BAG1: variants seen among roughly 807,000 people sequenced by gnomAD.
BAG1 encodes the protein BAG family molecular chaperone regulator 1.
Under a neutral mutation model 35.5 loss-of-function variants are expected in BAG1, and 35 were observed. The observed-to-expected ratio is 0.99, with a 90% CI of 0.75 to 1.31. The LOEUF (loss-of-function observed/expected upper bound fraction) is 1.31. Among genes scored for constraint, BAG1 ranks in the 50% most tolerant of loss-of-function variants. The pLI is 0.00. For missense variants in BAG1, 464 were observed against 453.6 expected (o/e 1.02, Z -0.21); for synonymous variants, 191 against 178.9 (o/e 1.07, Z -0.54).
In BAG1 at chr9:33,264,567, C is replaced by T; in HGVS notation, c.108G>A (p.Pro36=). Residue 36 remains proline (P), a synonymous_variant, in exon 1 of 7, where the codon CCG becomes CCA. Coordinates refer to ENST00000634734, the MANE Select transcript of BAG1 (RefSeq NM_004323.6). ...CAGAGGGAGGCGGACCACGCTGGGC[C>T]GGGGGCTCCGACTGGCGCGGCTCCC... 7.0e-7 allele frequency: 1 copy of T among 1,432,992 alleles called. No homozygotes were observed. Among genetic ancestry groups the T allele is most frequent in the Non-Finnish European group, 9.1e-7 (1 of 1,102,200 alleles). 88.8% of individuals were successfully genotyped at this position (1,432,992 alleles called of 1,614,324 possible). A position where few individuals can be genotyped will look rare whatever the true frequency, so the allele number is the denominator to read the frequency against.
rs1820666235 is a variant in BAG1, at chr9:33,264,508, T to C, written c.167A>G (p.His56Arg). ...GGCGGCGCCCCTGGTGGGTCGGTCA[T>C]GCCCGCTGGCAGTACTCCGGGCAGG... The change falls in exon 1 of 7, where the codon CAT (histidine) becomes CGT (arginine). Residue 56 changes from histidine to arginine, a missense_variant. Physicochemically the swap from His to Arg is conservative, Grantham distance 29. Transcript: ENST00000634734. 5 of 1,603,398 alleles carry C rather than the reference T, an allele frequency of 3.1e-6. No individual in the cohort carries two copies. The highest frequency in any genetic ancestry group is 1.1e-5 in the South Asian group (1 of 90,650).
chr9:33,262,474 T>C (rs1042924084), intron 2 of BAG1, among the ~76,000 whole-genome samples: 3 of 152,012 alleles, frequency 2.0e-5, no homozygotes, highest in East Asian at 1.9e-4. Flanking sequence ...CTGGCCAACA[T>C]GGTGAAACCC....
rs772591209 is a variant in BAG1 at position 33,255,066 on chromosome 9, T to C, written c.*153A>G. 5.7e-6 allele frequency: 9 copies of C among 1,568,822 alleles called. No individual in the cohort carries two copies. The South Asian group carries it at 9.2e-5, about 16-fold the overall frequency. ...GCTTTACTCAAAATCACAAAGACACTATTTTTCATTGAGAACCAGTGTGAG... is the reference window on the plus strand; with the variant it reads ...GCTTTACTCAAAATCACAAAGACACCATTTTTCATTGAGAACCAGTGTGAG... On this transcript the variant is annotated 3_prime_UTR_variant, in exon 7 of 7. Coordinates refer to ENST00000634734, the MANE Select transcript of BAG1 (RefSeq NM_004323.6).
intron 6 of BAG1, 22 bp downstream of exon 6, chr9:33,255,843 C>G: frequency 1.2e-6 from 2 of 1,601,536 alleles, no homozygotes; most frequent in Non-Finnish European, 1.7e-6. Flanking sequence ...TACACCTTGT[C>G]GTGCACTATT....
intron 2 of BAG1, among the ~76,000 whole-genome samples, chr9:33,261,633 T>C (rs1012551768): frequency 1.3e-5 from 2 of 152,222 alleles, no homozygotes; most frequent in African/African-American, 4.8e-5. Flanking sequence ...AAACATGAAT[T>C]TCTATTGTCT....
At position 33,256,786 on chromosome 9, in the gene BAG1, T is replaced by C. The variant is rs933787860; in HGVS notation, c.885+15A>G. On this transcript the variant is annotated intron_variant, in intron 5 of 6. Coordinates refer to ENST00000634734, the MANE Select transcript of BAG1 (RefSeq NM_004323.6). ...TCAAAGAAAACTAGTTCTTCTCAGC[T>C]GAATATTTACTTACCAGTGTGTCAA... 3.1e-6 allele frequency: 5 copies of C among 1,596,910 alleles called. No individual in the cohort carries two copies. The African/African-American group carries it at 6.7e-5, about 21-fold the overall frequency.
chr9:33,255,800 C>A, intron 6 of BAG1, 65 bp downstream of exon 6: 7 of 1,535,978 alleles, frequency 4.6e-6, no homozygotes, highest in Non-Finnish European at 6.3e-6. Context: ...TGATTTTGAA[C>A]AGATAAACAC....
intron 4 of BAG1, chr9:33,257,324 T>C (rs1343960526): frequency 1.8e-5 from 3 of 164,572 alleles, no homozygotes; most frequent in Non-Finnish European, 2.6e-5. Context: ...AAATGAAGAT[T>C]ATGATGCCCA....
At chr9:33,262,538 T>A (rs557461977) in intron 2 of BAG1, among the ~76,000 whole-genome samples, 164 bp downstream of exon 2, 1 of 152,114 alleles carries the variant, frequency 6.6e-6, no homozygotes, top group Non-Finnish European at 1.5e-5. Context: ...GCACCTGTAA[T>A]CCCAGCTACT....
chr9:33,258,830 T>A, intron 4 of BAG1, 90 bp downstream of exon 4: 7 of 1,027,724 alleles, frequency 6.8e-6, no homozygotes. Context: ...ACCCAGGGAG[T>A]CTGACTGCAG....
intron 3 of BAG1, 41 bp downstream of exon 3, chr9:33,261,046 T>C: frequency 2.0e-6 from 3 of 1,534,228 alleles, no homozygotes; most frequent in Non-Finnish European, 2.7e-6. Flanking sequence ...AAGACTTCAG[T>C]CATTTGATTC....
rs535372345 is a variant in BAG1, at chr9:33,254,165, A to T, written c.*1054T>A. 2.9e-4 allele frequency: 29 copies of T among 98,530 alleles called. No homozygotes were observed. The East Asian group carries it at 6.1e-3, about 21-fold the overall frequency. 6.1% of individuals were successfully genotyped at this position (98,530 alleles called of 1,614,324 possible). ...GCTAATTTTTTTTTTTTTTTTTTTTAAAGCAGAATGGGGTTTTGCTATGTT... is the reference window on the plus strand; with the variant it reads ...GCTAATTTTTTTTTTTTTTTTTTTTTAAGCAGAATGGGGTTTTGCTATGTT... On this transcript the variant is annotated 3_prime_UTR_variant, in exon 7 of 7. Transcript: ENST00000634734.
rs1483562264 is a variant in BAG1, at chr9:33,255,514, A to T, written c.949-206T>A. On this transcript the variant is annotated intron_variant, in intron 6 of 6. Coordinates refer to ENST00000634734, the MANE Select transcript of BAG1 (RefSeq NM_004323.6). ...CAGCATTCTGACCATGCTCTAGGCC[A>T]GCAATCCCCTAAAAGGTGGTAAAGG... 2.0e-5 allele frequency among the ~76,000 whole-genome samples: 3 copies of T among 152,262 alleles called. No homozygotes were observed. The South Asian group carries it at 6.2e-4, about 31-fold the overall frequency.
Position 33,255,326 on chromosome 9 carries a change from G to C in BAG1, c.949-18C>G. On this transcript the variant is annotated intron_variant, in intron 6 of 6. Transcript: ENST00000634734. ...AGGAATGCCTAGAAAATACACACGGGGCAGTAAGGGCCCATCCAGGGGTAG... is the reference window on the plus strand; with the variant it reads ...AGGAATGCCTAGAAAATACACACGGCGCAGTAAGGGCCCATCCAGGGGTAG... 1 of 1,614,082 alleles carries C rather than the reference G, an allele frequency of 6.2e-7. No individual in the cohort carries two copies. Among genetic ancestry groups the C allele is most frequent in the Non-Finnish European group, 8.5e-7 (1 of 1,180,022 alleles).
chr9:33,263,656 C>T (rs1362827120), intron 1 of BAG1, among the ~76,000 whole-genome samples: 1 of 152,194 alleles, frequency 6.6e-6, no homozygotes, highest in African/African-American at 2.4e-5. Context: ...TCCAGATTCC[C>T]AGACCCTTGG....
Position 33,254,899 on chromosome 9 carries a change from G to C in BAG1, c.*320C>G. ...CCTATAAACCTGAAACTGGCCCAAG[G>C]CAAATTAGAGCTCTCACCAGCCCAA... is the stretch of plus-strand genomic sequence containing the variant. On this transcript the variant is annotated 3_prime_UTR_variant, in exon 7 of 7. Transcript: ENST00000634734. 1 of 839,676 alleles carries C rather than the reference G, an allele frequency of 1.2e-6. No homozygotes were observed. Among genetic ancestry groups the C allele is most frequent in the Non-Finnish European group, 1.7e-6 (1 of 598,358 alleles). The allele number at this position is 839,676 out of a possible 1,614,324, so 52.0% of individuals were successfully genotyped here.
Position 33,262,354 on chromosome 9 carries a change from G to T in BAG1, c.580+348C>A, listed in dbSNP as rs972110412. ...TGTCCTTTGGCCATAAGGAAAAGCC[G>T]GAAAAGAAATGCTTACCCTTGGCCA... On this transcript the variant is annotated intron_variant, in intron 2 of 6. Coordinates refer to ENST00000634734, the MANE Select transcript of BAG1 (RefSeq NM_004323.6). 5.9e-6 allele frequency: 7 copies of T among 1,184,102 alleles called. No individual in the cohort carries two copies. In the African/African-American group the frequency reaches 1.1e-4, roughly 19 times the overall value. 73.3% of individuals were successfully genotyped at this position (1,184,102 alleles called of 1,614,324 possible).
intron 2 of BAG1, chr9:33,262,247 C>T: frequency 7.9e-7 from 1 of 1,269,840 alleles, no homozygotes. Flanking sequence ...TGTTGAAGAA[C>T]TGAATGAATA....
At chr9:33,260,806 T>C (rs1456664664) in intron 3 of BAG1, among the ~76,000 whole-genome samples, 2 of 152,202 alleles carry the variant, frequency 1.3e-5, no homozygotes, top group Non-Finnish European at 2.9e-5. Flanking sequence ...CCAGGCACCA[T>C]TTTAACCAGA....
Sources: allele counts gnomAD v4.1 joint callset (sites outside exome capture counted in the v4.1 genomes callset), GRCh38; gene constraint gnomAD v4.1.1; transcripts MANE v1.5; gene names NCBI Gene and HGNC (gene_info 2026-07-23, HGNC 2026-07-21).